The following STXBP4 variants were observed in gnomAD, a reference collection of about 807,000 sequenced individuals.
STXBP4 encodes the protein syntaxin-binding protein 4.
In STXBP4, 55 loss-of-function variants were observed where a neutral mutation model predicts 76.1. That is an observed-to-expected ratio of 0.72 (90% confidence interval 0.58 to 0.91). The LOEUF is 0.91. Among genes scored for constraint, STXBP4 ranks in the 40% least tolerant of loss-of-function variants. The probability of loss-of-function intolerance (pLI) is 0.00; values close to 1 mark genes in which losing one functional copy is unlikely to be tolerated. For synonymous variants in STXBP4, 201 were observed against 220.2 expected (o/e 0.91, Z 0.77); for missense variants, 618 against 636.9 (o/e 0.97, Z 0.32).
chr17:55,050,996 C>T (rs1235490653), intron 12 of STXBP4, among the ~76,000 whole-genome samples: 2 of 152,076 alleles, frequency 1.3e-5, no homozygotes, highest in Non-Finnish European at 2.9e-5. Flanking sequence ...AGGTGTCACT[C>T]CTTTCTGTAT....
chr17:55,033,999 C>A (rs1207490987), intron 9 of STXBP4, among the ~76,000 whole-genome samples, 169 bp from the exon 10 acceptor site: 1 of 152,062 alleles, frequency 6.6e-6, no homozygotes, highest in South Asian at 2.1e-4. Flanking sequence ...AAGTTCAGAC[C>A]AATTTGTCTC....
the STXBP4 span, among the ~76,000 whole-genome samples, chr17:55,187,778 T>C: frequency 6.6e-6 from 1 of 152,294 alleles, no homozygotes; most frequent in South Asian, 2.1e-4. Context: ...ATCAGGGATT[T>C]AGAGGGACTT....
chr17:55,000,299 C>A, intron 6 of STXBP4: 1 of 980,242 alleles, frequency 1.0e-6, no homozygotes, highest in Non-Finnish European at 1.2e-6. Context: ...TATAGTTCAC[C>A]CAAGTAGAAT....
the STXBP4 span, among the ~76,000 whole-genome samples, chr17:55,182,346 C>T: frequency 8.5e-5 from 13 of 152,084 alleles, no homozygotes; most frequent in Non-Finnish European, 1.8e-4. Context: ...ATGTGTTTAA[C>T]AGCAGTTAGG....
At chr17:55,047,186 G>A (rs751916897) in intron 12 of STXBP4, 32 bp downstream of exon 12, 10 of 175,970 alleles carry the variant, frequency 5.7e-5, no homozygotes, top group Non-Finnish European at 8.4e-5. Context: ...ATATGTGCTC[G>A]TGTGTGTGTG....
At chr17:55,048,139 C>A (rs2078814861) in intron 12 of STXBP4, among the ~76,000 whole-genome samples, 1 of 151,710 alleles carries the variant, frequency 6.6e-6, no homozygotes, top group African/African-American at 2.4e-5. Context: ...AAAATGGCAG[C>A]CTTGAAGAAT....
chr17:55,091,333 C>T (rs1265789582), intron 16 of STXBP4, among the ~76,000 whole-genome samples: 4 of 152,072 alleles, frequency 2.6e-5, no homozygotes, highest in Non-Finnish European at 1.5e-5. Context: ...TATATTCTCA[C>T]TCAATAATCC....
intron 12 of STXBP4, among the ~76,000 whole-genome samples, chr17:55,065,138 A>G (rs978612212): frequency 2.6e-5 from 4 of 152,140 alleles, no homozygotes; most frequent in Admixed American, 2.6e-4. Context: ...TAGGTAAATG[A>G]CTGTTTTATC....
intron 13 of STXBP4, among the ~76,000 whole-genome samples, chr17:55,074,281 C>T (rs1463218612): frequency 7.9e-5 from 12 of 152,166 alleles, no homozygotes; most frequent in Non-Finnish European, 1.6e-4. Context: ...AACTATTTCT[C>T]ACATTATTCA....
At chr17:55,035,850 C>T (rs2078591859) in intron 10 of STXBP4, among the ~76,000 whole-genome samples, 1 of 151,688 alleles carries the variant, frequency 6.6e-6, no homozygotes, top group Non-Finnish European at 1.5e-5. Context: ...ATAAGATGTT[C>T]TCGTATCTTA....
chr17:55,019,545 TTTATAAA>T (rs1374407390), intron 8 of STXBP4, among the ~76,000 whole-genome samples: 2 of 152,166 alleles, frequency 1.3e-5, no homozygotes, highest in African/African-American at 4.8e-5. Context: ...TTTGTTTAGC[TTTATAAA>T]TTATGAATTA....
At position 54,995,612 on chromosome 17, in the gene STXBP4, A is replaced by T. The variant is rs151318785; in HGVS notation, c.181-3733A>T. On this transcript the variant is annotated intron_variant, in intron 4 of 17. Coordinates refer to ENST00000376352, the MANE Select transcript of STXBP4 (RefSeq NM_178509.6). ...TCAGTGTCATCATGTAATTTGTGGC[A>T]TTGAAGTAGGACATATTTAACTTTC... is the stretch of plus-strand genomic sequence containing the variant. Among the ~76,000 whole-genome samples the T allele has an allele frequency of 2.2e-3, 342 of 152,272 alleles. 2 individuals are homozygous for T. Among genetic ancestry groups the T allele is most frequent in the African/African-American group, 8.0e-3 (333 of 41,552 alleles).
chr17:54,974,566 C>G (rs2077441772), intron 1 of STXBP4, among the ~76,000 whole-genome samples: 1 of 152,224 alleles, frequency 6.6e-6, no homozygotes, highest in Non-Finnish European at 1.5e-5. Flanking sequence ...TCAGGGCCAG[C>G]TTCATGAAAA....
intron 10 of STXBP4, among the ~76,000 whole-genome samples, chr17:55,038,835 G>T (rs1325347950): frequency 1.3e-5 from 2 of 151,906 alleles, no homozygotes; most frequent in Non-Finnish European, 2.9e-5. Context: ...TCACAGTTTG[G>T]GCTCTTGTTA....
At chr17:55,078,800 T>C in intron 15 of STXBP4, 65 bp downstream of exon 15, 2 of 901,822 alleles carry the variant, frequency 2.2e-6, no homozygotes, top group South Asian at 1.4e-5. Context: ...CTGGTCATTG[T>C]GACTCAAATA....
At chr17:55,084,614 G>A (rs2079300124) in intron 16 of STXBP4, among the ~76,000 whole-genome samples, 1 of 151,316 alleles carries the variant, frequency 6.6e-6, no homozygotes, top group African/African-American at 2.4e-5. Flanking sequence ...TATGGTTTTA[G>A]GTCTAACGTT....
At chr17:55,143,625 T>C (rs1452246444) in intron 17 of STXBP4, among the ~76,000 whole-genome samples, 1 of 152,160 alleles carries the variant, frequency 6.6e-6, no homozygotes, top group East Asian at 1.9e-4. Flanking sequence ...TAAGGGAGAA[T>C]AGAGTCCCAG....
chr17:55,103,582 T>TTG (rs937201485), intron 16 of STXBP4, among the ~76,000 whole-genome samples: 6 of 151,464 alleles, frequency 4.0e-5, no homozygotes, highest in African/African-American at 1.5e-4. Flanking sequence ...CAGTTTTGTT[T>TTG]TTTTTTTGCT....
intron 16 of STXBP4, among the ~76,000 whole-genome samples, chr17:55,097,155 T>A (rs903559490): frequency 7.8e-6 from 1 of 128,060 alleles, no homozygotes; most frequent in Admixed American, 8.4e-5. Context: ...GTGTTTCTCA[T>A]TTCTTTTATA....
Sources: allele counts gnomAD v4.1 joint callset (sites outside exome capture counted in the v4.1 genomes callset), GRCh38; gene constraint gnomAD v4.1.1; transcripts MANE v1.5; gene names NCBI Gene and HGNC (gene_info 2026-07-23, HGNC 2026-07-21).